ZNF236: variants seen among roughly 807,000 people sequenced by gnomAD.
ZNF236 encodes zinc finger protein 236.
A neutral mutation model predicts 191.2 loss-of-function variants in ZNF236; 50 were observed. The observed-to-expected ratio is 0.26, with a 90% confidence interval of 0.21 to 0.33. The LOEUF (loss-of-function observed/expected upper bound fraction) is 0.33. Among genes scored for constraint, ZNF236 ranks in the 10% least tolerant of loss-of-function variants. The pLI, the probability that ZNF236 is intolerant of heterozygous loss-of-function variation, is 1.00. For missense variants in ZNF236, 1,754 were observed against 2,374.5 expected, an observed-to-expected ratio of 0.74 and a Z score of 5.43; for synonymous variants, 907 against 928.8, an observed-to-expected ratio of 0.98 and a Z score of 0.43.
At chr18:76,955,272 A>T (rs1968494858) in intron 27 of ZNF236, among the ~76,000 whole-genome samples, 1 of 149,258 alleles carries the variant, frequency 6.7e-6, no homozygotes, top group Non-Finnish European at 1.5e-5. Context: ...GCTGGGCATG[A>T]TGGTGAGGTG....
At chr18:76,835,898 CCTG>C (rs1300778544) in intron 1 of ZNF236, among the ~76,000 whole-genome samples, 2 of 152,076 alleles carry the variant, frequency 1.3e-5, no homozygotes, top group Non-Finnish European at 2.9e-5. Flanking sequence ...CATCCATTAG[CCTG>C]CTATTTATAC....
In ZNF236 at chr18:76,882,432, C is replaced by T. The variant is rs958302221; in HGVS notation, c.1417+920C>T. Among the ~76,000 whole-genome samples the T allele has an allele frequency of 2.6e-5, 4 of 152,310 alleles. No homozygotes were observed. In the South Asian group the frequency reaches 8.3e-4, roughly 32 times the overall value. ...AATAAGCTCTTTCTGGCCAGGAATA[C>T]AGCCTTCTCATTTCTGAACACCCCA... On this transcript the variant is annotated intron_variant, in intron 9 of 30. Coordinates refer to ENST00000320610, the MANE Select transcript of ZNF236 (RefSeq NM_001306089.2).
chr18:76,894,818 A>G (rs2122702412), intron 9 of ZNF236, among the ~76,000 whole-genome samples, 195 bp from the exon 10 acceptor site: 1 of 152,146 alleles, frequency 6.6e-6, no homozygotes, highest in East Asian at 1.9e-4. Flanking sequence ...CAGAGACTGA[A>G]TTGTGTTTTC....
chr18:76,895,298 G>A lies in ZNF236; in HGVS notation c.1690+13G>A, dbSNP rs1977369731. On this transcript the variant is annotated intron_variant, in intron 10 of 30. Transcript: ENST00000320610. ...CGCCTGCACACAGGTATGGCCTCAGGGCTGGGCCCACACGGGCACTGGCCA... is the reference window on the plus strand; with the variant it reads ...CGCCTGCACACAGGTATGGCCTCAGAGCTGGGCCCACACGGGCACTGGCCA... The A allele has an allele frequency of 1.3e-6, 2 of 1,595,860 alleles. No homozygotes were observed. The highest frequency in any genetic ancestry group is 8.5e-7 in the Non-Finnish European group (1 of 1,177,040).
At position 76,960,871 on chromosome 18, in the gene ZNF236, C is replaced by G. The variant is rs953059474; in HGVS notation, c.5419+16C>G. ...AGCTATGCTGGTGAGAATGCTGCAC[C>G]CGGGAGTGCGTGCTGTTCGGTGGCC... is the stretch of plus-strand genomic sequence containing the variant. On this transcript the variant is annotated intron_variant, in intron 30 of 30. Transcript: ENST00000320610. The surrounding 1 kb of genome is among the most constrained non-coding windows in gnomAD (Gnocchi z 4.4). 1 of 1,602,728 alleles carries G rather than the reference C, an allele frequency of 6.2e-7. No individual in the cohort carries two copies. The highest frequency in any genetic ancestry group is 1.7e-5 in the Admixed American group (1 of 59,074).
intron 25 of ZNF236, among the ~76,000 whole-genome samples, chr18:76,936,885 T>C (rs1260679604): frequency 2.6e-5 from 4 of 151,846 alleles, no homozygotes; most frequent in Non-Finnish European, 5.9e-5. Flanking sequence ...ACTGAGACTA[T>C]GGGGTCACAT....
intron 20 of ZNF236, among the ~76,000 whole-genome samples, chr18:76,922,002 TC>T (rs1337750695): frequency 6.6e-6 from 1 of 152,232 alleles, no homozygotes; most frequent in African/African-American, 2.4e-5. Context: ...AGTATTTTTT[TC>T]GGAAATGTCT....
chr18:76,945,329 G>C (rs1358862575), intron 26 of ZNF236, among the ~76,000 whole-genome samples: 1 of 152,184 alleles, frequency 6.6e-6, no homozygotes, highest in Non-Finnish European at 1.5e-5. Context: ...ATAAGTCCAG[G>C]TTGATTAATA....
intron 9 of ZNF236, 96 bp downstream of exon 9, chr18:76,881,608 A>T (rs1976903776): frequency 1.8e-6 from 2 of 1,092,042 alleles, no homozygotes; most frequent in South Asian, 3.2e-5. Flanking sequence ...AGGTGATAGG[A>T]TATGTTTGTT....
chr18:76,953,436 C>T (rs2122939124), intron 27 of ZNF236, among the ~76,000 whole-genome samples: 1 of 152,290 alleles, frequency 6.6e-6, no homozygotes, highest in East Asian at 1.9e-4. Flanking sequence ...CTTCCCACAG[C>T]CTGTGAGGTG....
intron 2 of ZNF236, 34 bp downstream of exon 2, chr18:76,849,702 A>G: frequency 6.8e-7 from 1 of 1,466,886 alleles, no homozygotes; most frequent in Admixed American, 2.5e-5. Flanking sequence ...CAGGAATGTG[A>G]GCGTTGAAAC....
intron 1 of ZNF236, among the ~76,000 whole-genome samples, chr18:76,840,110 C>T (rs927085524): frequency 6.6e-6 from 1 of 152,156 alleles, no homozygotes; most frequent in Middle Eastern, 3.4e-3. Context: ...CATGAATATA[C>T]ATTTACCCAA....
At chr18:76,872,462 T>C (rs1170837805) in intron 5 of ZNF236, among the ~76,000 whole-genome samples, 1 of 152,214 alleles carries the variant, frequency 6.6e-6, no homozygotes, top group Non-Finnish European at 1.5e-5. Context: ...AAGAAGGTCC[T>C]GACTCTTAAA....
Position 76,927,659 on chromosome 18 carries a change from T to G in ZNF236, c.4414+142T>G. 8.5e-7 allele frequency: 1 copy of G among 1,182,854 alleles called. No homozygotes were observed. 73.3% of individuals were successfully genotyped at this position (1,182,854 alleles called of 1,614,324 possible). ...TAAATCAAATGTCCTGAGAATAAAA[T>G]AAGCTTTTCTTACAATTAATGATAT... On this transcript the variant is annotated intron_variant, in intron 24 of 30. Coordinates refer to ENST00000320610, the MANE Select transcript of ZNF236 (RefSeq NM_001306089.2). The surrounding 1 kb of genome is among the most constrained non-coding windows in gnomAD (Gnocchi z 5.4).
At chr18:76,968,043 C>A (rs901394049) in intron 30 of ZNF236, among the ~76,000 whole-genome samples, 172 bp from the exon 31 acceptor site, 1 of 152,152 alleles carries the variant, frequency 6.6e-6, no homozygotes, top group African/African-American at 2.4e-5. Context: ...ACTGTCCTGC[C>A]GGCAGAGGTG....
chr18:76,826,681 C>T (rs1307821277), intron 1 of ZNF236, among the ~76,000 whole-genome samples: 3 of 150,206 alleles, frequency 2.0e-5, no homozygotes, highest in East Asian at 2.1e-4. Context: ...CGCCTGTAGT[C>T]GCAGCTACTT....
rs915236201 is a variant in ZNF236, at chr18:76,942,794, A to G, written c.4783-4727A>G. On this transcript the variant is annotated intron_variant, in intron 26 of 30. Transcript: ENST00000320610. ...CTCACAAAGTGCTGGGATTACAGGC[A>G]TGAGCCACCACGCCCAGCCTAGTAT... Among the ~76,000 whole-genome samples the G allele has an allele frequency of 7.3e-4, 109 of 149,630 alleles. 1 individual carries two copies. The highest frequency in any genetic ancestry group is 6.9e-3 in the South Asian group (32 of 4,630).
intron 26 of ZNF236, among the ~76,000 whole-genome samples, chr18:76,938,966 C>T (rs1348339308): frequency 6.6e-6 from 1 of 152,170 alleles, no homozygotes; most frequent in Non-Finnish European, 1.5e-5. Context: ...CCTTACGCAC[C>T]ATCAACTCCT....
intron 25 of ZNF236, among the ~76,000 whole-genome samples, chr18:76,929,555 G>A (rs1004643022): frequency 5.9e-5 from 9 of 152,130 alleles, no homozygotes; most frequent in Non-Finnish European, 1.0e-4. Flanking sequence ...TTCTTCCTGT[G>A]TGTTATTATT....
Sources: gnomAD v4.1 joint callset for allele counts (sites outside exome capture counted in the v4.1 genomes callset) on GRCh38, gnomAD v4.1.1 for gene constraint, Gnocchi (gnomAD v3.1) non-coding constraint, MANE v1.5 for transcripts, NCBI Gene and HGNC (gene_info 2026-07-23, HGNC 2026-07-21) for gene names.